The following PPFIBP1 variants were observed in gnomAD, a reference collection of about 807,000 sequenced individuals.
The protein encoded by PPFIBP1 is PPFIB scaffold protein 1, also known as liprin-beta-1.
In PPFIBP1, 112 loss-of-function variants were observed where a neutral mutation model predicts 137.8. The observed-to-expected ratio is 0.81, with a 90% CI of 0.70 to 0.95. PPFIBP1 has a LOEUF of 0.95. Among genes scored for constraint, PPFIBP1 ranks in the 40% least tolerant of loss-of-function variants. The pLI, the probability that PPFIBP1 is intolerant of heterozygous loss-of-function variation, is 0.00. For synonymous variants in PPFIBP1, 378 were observed against 417.3 expected, an observed-to-expected ratio of 0.91 and a Z score of 1.15; for missense variants, 1,083 against 1,196.6, an observed-to-expected ratio of 0.91 and a Z score of 1.40.
At chr12:27,567,074 A>G (rs772598576) in intron 1 of PPFIBP1, among the ~76,000 whole-genome samples, 8 of 152,224 alleles carry the variant, frequency 5.3e-5, no homozygotes, top group Non-Finnish European at 7.3e-5. Flanking sequence ...TTTCTAATCT[A>G]TATCAATAAA....
chr12:27,617,359 G>C (rs2055875000), intron 2 of PPFIBP1, among the ~76,000 whole-genome samples: 2 of 152,132 alleles, frequency 1.3e-5, no homozygotes, highest in South Asian at 4.1e-4. Flanking sequence ...CCCTTCACCT[G>C]GTCCACAAGA....
At chr12:27,662,300 G>A (rs1399688960) in intron 11 of PPFIBP1, among the ~76,000 whole-genome samples, 3 of 152,172 alleles carry the variant, frequency 2.0e-5, no homozygotes, top group African/African-American at 7.2e-5. Flanking sequence ...TGGAGTCGGG[G>A]CGTGGGGCTG....
chr12:27,602,555 A>G (rs545575632), intron 2 of PPFIBP1, among the ~76,000 whole-genome samples: 1 of 152,352 alleles, frequency 6.6e-6, no homozygotes, highest in South Asian at 2.1e-4. Flanking sequence ...CAACTGAGCT[A>G]GATAGACTCT....
chr12:27,629,239 C>T (rs1375344427), intron 2 of PPFIBP1, among the ~76,000 whole-genome samples: 1 of 152,170 alleles, frequency 6.6e-6, no homozygotes, highest in African/African-American at 2.4e-5. Context: ...TGAGTGGTTC[C>T]TTCCCAGTTA....
intron 1 of PPFIBP1, among the ~76,000 whole-genome samples, chr12:27,546,296 G>A (rs1946237285): frequency 6.6e-6 from 1 of 152,184 alleles, no homozygotes; most frequent in Non-Finnish European, 1.5e-5. Context: ...TTATAAAATT[G>A]TTAGAACGAT....
intron 2 of PPFIBP1, among the ~76,000 whole-genome samples, chr12:27,603,670 G>T (rs535749367): frequency 6.6e-6 from 1 of 152,292 alleles, no homozygotes; most frequent in East Asian, 1.9e-4. Context: ...GGAACCACCA[G>T]AGTTAGCATC....
At chr12:27,621,866 A>G (rs1358599792) in intron 2 of PPFIBP1, among the ~76,000 whole-genome samples, 1 of 152,186 alleles carries the variant, frequency 6.6e-6, no homozygotes, top group African/African-American at 2.4e-5. Flanking sequence ...CATGTGACAA[A>G]CTGAAACTTT....
chr12:27,586,757 C>T (rs1013897854), intron 2 of PPFIBP1, among the ~76,000 whole-genome samples: 1 of 151,832 alleles, frequency 6.6e-6, no homozygotes, highest in Non-Finnish European at 1.5e-5. Context: ...CCAGAATGCA[C>T]AATGCATTAT....
intron 7 of PPFIBP1, among the ~76,000 whole-genome samples, chr12:27,652,705 C>A (rs191946304): frequency 2.0e-3 from 309 of 151,606 alleles, no homozygotes; most frequent in African/African-American, 6.6e-3. Flanking sequence ...TTTGCACGAG[C>A]AAAGAAGAAA....
intron 2 of PPFIBP1, among the ~76,000 whole-genome samples, chr12:27,580,295 T>C (rs2050971128): frequency 2.0e-5 from 3 of 152,286 alleles, no homozygotes; most frequent in Middle Eastern, 6.8e-3. Flanking sequence ...AACTTAAAAG[T>C]ATAGAACTAG....
chr12:27,596,567 G>T (rs2053335506), intron 2 of PPFIBP1, among the ~76,000 whole-genome samples: 1 of 152,042 alleles, frequency 6.6e-6, no homozygotes, highest in Non-Finnish European at 1.5e-5. Flanking sequence ...TGTTGCCCAG[G>T]CTGGAGTACA....
At position 27,693,109 on chromosome 12, in the gene PPFIBP1, T is replaced by A; in HGVS notation, c.*227T>A. 2.0e-6 allele frequency: 1 copy of A among 503,622 alleles called. No individual in the cohort carries two copies. The highest frequency in any genetic ancestry group is 3.2e-6 in the Non-Finnish European group (1 of 309,060). 31.2% of individuals were successfully genotyped at this position (503,622 alleles called of 1,614,324 possible). ...ATAATTGTTTTTCTTCTATTTAATG[T>A]AAAAATCTGTGATATATTATATTTA... On this transcript the variant is annotated 3_prime_UTR_variant, in exon 30 of 30. Transcript: ENST00000228425.
intron 24 of PPFIBP1, 95 bp downstream of exon 24, chr12:27,682,798 T>A (rs1566010648): frequency 9.5e-6 from 15 of 1,576,254 alleles, no homozygotes; most frequent in Non-Finnish European, 1.3e-5. Context: ...TTTCAGTGAT[T>A]CCACCAGAGT....
intron 1 of PPFIBP1, among the ~76,000 whole-genome samples, chr12:27,551,727 C>T (rs757799170): frequency 6.6e-6 from 1 of 152,048 alleles, no homozygotes; most frequent in Non-Finnish European, 1.5e-5. Context: ...TTTTCATGTT[C>T]GTCTTAATTC....
chr12:27,654,703 C>CT lies in PPFIBP1; in HGVS notation c.604-17dup. On this transcript the variant is annotated intron_variant, in intron 7 of 29. Transcript: ENST00000228425. ...TGTTACCACTTTCCTAATGTACTTTCTTGTTTCTTCTTGGACAGGGGCTGA... is the reference window on the plus strand; with the variant it reads ...TGTTACCACTTTCCTAATGTACTTTCTTTGTTTCTTCTTGGACAGGGGCTGA... 6.2e-7 allele frequency: 1 copy of CT among 1,604,844 alleles called. No individual in the cohort carries two copies. Among genetic ancestry groups the CT allele is most frequent in the Admixed American group, 1.7e-5 (1 of 58,378 alleles).
chr12:27,599,046 G>T (rs138337853), intron 2 of PPFIBP1, among the ~76,000 whole-genome samples: 9 of 152,198 alleles, frequency 5.9e-5, no homozygotes, highest in South Asian at 2.1e-4. Context: ...CATTTGACTT[G>T]ATGGGATTTG....
rs2061638290 is a variant in PPFIBP1 at position 27,692,850 on chromosome 12, G to T, written c.2986G>T (p.Ala996Ser). The change falls in exon 30 of 30, where the codon GCC becomes TCC. Residue 996 changes from alanine to serine, a missense_variant. By Grantham distance (99) the Ala-to-Ser change is moderately conservative. Coordinates refer to ENST00000228425, the MANE Select transcript of PPFIBP1 (RefSeq NM_003622.4). The part of the protein sequence containing the change: ...FKDFAARSPS[A>S]SITDEDSNV Reference sequence around the variant, plus strand: ...AGATTTTGCTGCCCGTTCCCCCAGTGCCAGCATTACAGATGAAGACTCAAA... The same window carrying T: ...AGATTTTGCTGCCCGTTCCCCCAGTTCCAGCATTACAGATGAAGACTCAAA... The T allele has an allele frequency of 6.2e-7, 1 of 1,614,000 alleles. No individual in the cohort carries two copies. The highest frequency in any genetic ancestry group is 8.5e-7 in the Non-Finnish European group (1 of 1,180,014).
At chr12:27,571,330 G>A (rs1300860286) in intron 1 of PPFIBP1, among the ~76,000 whole-genome samples, 1 of 152,084 alleles carries the variant, frequency 6.6e-6, no homozygotes, top group Non-Finnish European at 1.5e-5. Flanking sequence ...AATAAATGTA[G>A]AATGAAGGGC....
chr12:27,574,419 G>C (rs2050395645), intron 1 of PPFIBP1, among the ~76,000 whole-genome samples: 1 of 152,122 alleles, frequency 6.6e-6, no homozygotes, highest in African/African-American at 2.4e-5. Context: ...GAACTTCCTG[G>C]AGAGGCCTTA....
Sources: gnomAD v4.1 joint callset for allele counts (sites outside exome capture counted in the v4.1 genomes callset) on GRCh38, gnomAD v4.1.1 for gene constraint, MANE v1.5 for transcripts, NCBI Gene and HGNC (gene_info 2026-07-23, HGNC 2026-07-21) for gene names.